EFR3A: variants seen among roughly 807,000 people sequenced by gnomAD.
EFR3A encodes protein EFR3 homolog A.
EFR3A carries 76 observed loss-of-function variants against 104.4 expected under a neutral mutation model. That is an observed-to-expected ratio of 0.73 (90% CI 0.60 to 0.88). EFR3A has a LOEUF of 0.88. Ranked by LOEUF, EFR3A falls within the 40% of genes least tolerant of loss-of-function variation. The probability of loss-of-function intolerance (pLI) is 0.00; values close to 1 mark genes in which losing one functional copy is unlikely to be tolerated. For synonymous variants in EFR3A, 330 were observed against 330.0 expected (o/e 1.00, Z 0.00); for missense variants, 985 against 1,012.5 (o/e 0.97, Z 0.37).
At chr8:131,919,504 G>A (rs1816896326) in intron 1 of EFR3A, among the ~76,000 whole-genome samples, 1 of 151,096 alleles carries the variant, frequency 6.6e-6, no homozygotes, top group South Asian at 2.1e-4. Flanking sequence ...GCTGAGGCAG[G>A]AGAATGGCGT....
At chr8:131,944,314 T>C (rs1818314371) in intron 2 of EFR3A, among the ~76,000 whole-genome samples, 1 of 152,104 alleles carries the variant, frequency 6.6e-6, no homozygotes, top group Admixed American at 6.6e-5. Flanking sequence ...AACAAAAACT[T>C]ATAATGATAT....
Position 132,010,886 on chromosome 8 carries a change from T to C in EFR3A, c.2457T>C (p.Cys819=), listed in dbSNP as rs1822311627. ...ATGAGATGAAGTTTCCAGATCTGTG[T>C]GTGTACTGATCGGCGCATGAAGACC... ...PVYEMKFPDL[C]VY The change falls in exon 23 of 23, where the codon TGT becomes TGC. Residue 819 remains cysteine, a synonymous_variant. Coordinates refer to ENST00000254624, the MANE Select transcript of EFR3A (RefSeq NM_015137.6). The C allele has an allele frequency of 6.2e-7, 1 of 1,605,408 alleles. No individual in the cohort carries two copies. Among genetic ancestry groups the C allele is most frequent in the Non-Finnish European group, 8.5e-7 (1 of 1,174,114 alleles).
At chr8:132,007,245 GA>G (rs898534281) in intron 22 of EFR3A, among the ~76,000 whole-genome samples, 4 of 151,200 alleles carry the variant, frequency 2.6e-5, no homozygotes, top group Non-Finnish European at 4.4e-5. Context: ...AAGTAATCAA[GA>G]AAAAAAACCC....
intron 1 of EFR3A, among the ~76,000 whole-genome samples, chr8:131,939,559 A>G (rs2130547871): frequency 6.6e-6 from 1 of 152,284 alleles, no homozygotes; most frequent in East Asian, 1.9e-4. Context: ...AAATAACAAA[A>G]TTTCCCATTC....
At chr8:132,009,757 A>G (rs552963013) in intron 22 of EFR3A, among the ~76,000 whole-genome samples, 2 of 152,116 alleles carry the variant, frequency 1.3e-5, no homozygotes, top group South Asian at 2.1e-4. Context: ...TAGAATTAAT[A>G]CAGGAGTATT....
In EFR3A at chr8:132,002,253, G is replaced by A. The variant is rs1010234848; in HGVS notation, c.2207-350G>A. Among the ~76,000 whole-genome samples, 6 of 152,150 alleles carry A rather than the reference G, an allele frequency of 3.9e-5. No individual in the cohort carries two copies. In the East Asian group the frequency reaches 9.6e-4, roughly 24 times the overall value. ...TGTAGTACCTCGTATGTGCAAGAACGTAGTTGTATAAAAGAATCATCCTTC... is the reference window on the plus strand; with the variant it reads ...TGTAGTACCTCGTATGTGCAAGAACATAGTTGTATAAAAGAATCATCCTTC... On this transcript the variant is annotated intron_variant, in intron 20 of 22. Coordinates refer to ENST00000254624, the MANE Select transcript of EFR3A (RefSeq NM_015137.6).
intron 8 of EFR3A, among the ~76,000 whole-genome samples, chr8:131,961,632 A>G (rs1314641593): frequency 2.0e-5 from 3 of 151,858 alleles, no homozygotes; most frequent in African/African-American, 7.2e-5. Context: ...GTTGGAAAAC[A>G]CTGCAGGATA....
rs76294375 is a variant in EFR3A, at chr8:131,937,273, T to C, written c.11-3226T>C. On this transcript the variant is annotated intron_variant, in intron 1 of 22. Coordinates refer to ENST00000254624, the MANE Select transcript of EFR3A (RefSeq NM_015137.6). ...GCTTATTAAGTGTGTTTAGGTGGCTTCTACACTCCAGGCACTTTTTATGTA... is the reference window on the plus strand; with the variant it reads ...GCTTATTAAGTGTGTTTAGGTGGCTCCTACACTCCAGGCACTTTTTATGTA... 4.2e-3 allele frequency among the ~76,000 whole-genome samples: 633 copies of C among 152,284 alleles called. 3 individuals carry two copies. Among genetic ancestry groups the C allele is most frequent in the Non-Finnish European group, 6.2e-3 (422 of 68,000 alleles).
chr8:131,961,605 G>A (rs1464637788), intron 8 of EFR3A, among the ~76,000 whole-genome samples: 6 of 152,176 alleles, frequency 3.9e-5, no homozygotes, highest in African/African-American at 7.2e-5. Flanking sequence ...TGAAAGTGAC[G>A]GGGAGAATGG....
At chr8:132,009,246 A>G (rs974869628) in intron 22 of EFR3A, among the ~76,000 whole-genome samples, 2 of 152,096 alleles carry the variant, frequency 1.3e-5, no homozygotes, top group Non-Finnish European at 2.9e-5. Context: ...AAGAAACTAT[A>G]TATCTCTGAA....
chr8:131,929,192 T>G (rs1472660460), intron 1 of EFR3A, among the ~76,000 whole-genome samples: 1 of 152,104 alleles, frequency 6.6e-6, no homozygotes, highest in Non-Finnish European at 1.5e-5. Context: ...TACCCCAGAG[T>G]GTATCCTCTT....
At chr8:131,937,698 T>G (rs1220178482) in intron 1 of EFR3A, among the ~76,000 whole-genome samples, 1 of 151,824 alleles carries the variant, frequency 6.6e-6, no homozygotes, top group Non-Finnish European at 1.5e-5. Context: ...AACTACAATA[T>G]AGAATTAAAT....
At chr8:131,994,061 G>A (rs78066414) in intron 18 of EFR3A, among the ~76,000 whole-genome samples, 3 of 151,982 alleles carry the variant, frequency 2.0e-5, no homozygotes, top group East Asian at 1.9e-4. Context: ...ACAAACCTGC[G>A]CATGTACCCC....
intron 1 of EFR3A, among the ~76,000 whole-genome samples, chr8:131,933,970 C>G (rs985324834): frequency 6.6e-6 from 1 of 151,618 alleles, no homozygotes; most frequent in Non-Finnish European, 1.5e-5. Context: ...GTCCTCTTTT[C>G]CATAAGGTTT....
At chr8:131,936,789 G>A (rs1817915037) in intron 1 of EFR3A, among the ~76,000 whole-genome samples, 1 of 152,122 alleles carries the variant, frequency 6.6e-6, no homozygotes, top group Non-Finnish European at 1.5e-5. Context: ...GAGAAGGAGT[G>A]AGGAGCTTCC....
chr8:131,922,259 T>C (rs1817072984), intron 1 of EFR3A, among the ~76,000 whole-genome samples: 1 of 152,138 alleles, frequency 6.6e-6, no homozygotes, highest in Admixed American at 6.5e-5. Flanking sequence ...CTTGATTATA[T>C]CTGCAAAGAC....
At chr8:131,936,184 G>C (rs527392191) in intron 1 of EFR3A, among the ~76,000 whole-genome samples, 1 of 152,124 alleles carries the variant, frequency 6.6e-6, no homozygotes, top group Non-Finnish European at 1.5e-5. Context: ...CATCACTACT[G>C]TTTAGGGACT....
At chr8:131,949,614 GGC>G (rs1355902459) in intron 4 of EFR3A, among the ~76,000 whole-genome samples, 2 of 151,908 alleles carry the variant, frequency 1.3e-5, no homozygotes, top group African/African-American at 4.8e-5. Context: ...GAGCAGCCTG[GGC>G]AACATAGCAA....
chr8:131,975,412 A>ATTT lies in EFR3A; in HGVS notation c.1160-597_1160-595dup, dbSNP rs5895119. 3.2e-3 allele frequency among the ~76,000 whole-genome samples: 351 copies of ATTT among 111,096 alleles called. 3 individuals carry two copies. The highest frequency in any genetic ancestry group is 0.018 in the East Asian group (68 of 3,806). 72.9% of individuals were successfully genotyped at this position (111,096 alleles called of 152,430 possible). A position where few individuals can be genotyped will look rare whatever the true frequency, so the allele number is the denominator to read the frequency against. ...TATTTTTCCTTCTTTTTTTTTTCCT[A>ATTT]TTTTTTTTTTTTTTTTTTTTGGAGA... is the stretch of plus-strand genomic sequence containing the variant. On this transcript the variant is annotated intron_variant, in intron 10 of 22. Coordinates refer to ENST00000254624, the MANE Select transcript of EFR3A (RefSeq NM_015137.6).
Sources: allele counts gnomAD v4.1 joint callset (sites outside exome capture counted in the v4.1 genomes callset), GRCh38; gene constraint gnomAD v4.1.1; transcripts MANE v1.5; gene names NCBI Gene and HGNC (gene_info 2026-07-23, HGNC 2026-07-21).